NFKB1: variants seen among roughly 807,000 people sequenced by gnomAD.
The protein encoded by NFKB1 is nuclear factor NF-kappa-B p105 subunit.
NFKB1 carries 9 observed loss-of-function variants against 105.1 expected under a neutral mutation model. The ratio of observed to expected loss-of-function variants is 0.09; its 90% CI spans 0.05 to 0.15. The LOEUF (loss-of-function observed/expected upper bound fraction) is 0.15. Among genes scored for constraint, NFKB1 ranks in the 10% least tolerant of loss-of-function variants. The pLI is 1.00. For synonymous variants in NFKB1, 440 were observed against 442.2 expected (o/e 1.00, Z 0.06); for missense variants, 830 against 1,203.7 (o/e 0.69, Z 4.59).
At chr4:102,615,156 C>G (rs1400484054) in intron 23 of NFKB1, among the ~76,000 whole-genome samples, 1 of 152,116 alleles carries the variant, frequency 6.6e-6, no homozygotes, top group Non-Finnish European at 1.5e-5. Context: ...TGGGTTATGC[C>G]CTTCAGTTCA....
At chr4:102,549,569 G>A (rs1722415120) in intron 5 of NFKB1, among the ~76,000 whole-genome samples, 1 of 151,544 alleles carries the variant, frequency 6.6e-6, no homozygotes, top group African/African-American at 2.4e-5. Flanking sequence ...ATATATATGG[G>A]GGGAGGGGTG....
intron 7 of NFKB1, chr4:102,578,035 C>A (rs1725005708): frequency 1.0e-6 from 1 of 966,490 alleles, no homozygotes; most frequent in African/African-American, 1.8e-5. Flanking sequence ...CAATCTATTT[C>A]CCGTTTTGCC....
chr4:102,583,065 C>T, intron 10 of NFKB1, 108 bp downstream of exon 10: 1 of 680,636 alleles, frequency 1.5e-6, no homozygotes, highest in South Asian at 2.3e-5. Context: ...CTGTATCCCC[C>T]AACTGTTGGG....
intron 1 of NFKB1, among the ~76,000 whole-genome samples, chr4:102,519,903 A>G (rs548230399): frequency 1.1e-4 from 16 of 152,354 alleles, no homozygotes; most frequent in South Asian, 2.1e-4. Context: ...TTCTTTACCC[A>G]TGAGGTAGTC....
intron 6 of NFKB1, among the ~76,000 whole-genome samples, chr4:102,575,823 C>T (rs1578783597): frequency 6.6e-6 from 1 of 152,102 alleles, no homozygotes; most frequent in South Asian, 2.1e-4. Context: ...TAAATTGTAT[C>T]GTATAATTTA....
chr4:102,595,082 G>C (rs927297359), intron 13 of NFKB1, 101 bp downstream of exon 13: 26 of 675,714 alleles, frequency 3.8e-5, no homozygotes, highest in Non-Finnish European at 6.2e-5. Flanking sequence ...TTATCATCTT[G>C]ACAAATAATT....
chr4:102,569,121 C>T (rs889521366), intron 6 of NFKB1, among the ~76,000 whole-genome samples: 2 of 152,052 alleles, frequency 1.3e-5, no homozygotes, highest in Non-Finnish European at 2.9e-5. Flanking sequence ...CTATTTCTTT[C>T]ATAATTCATT....
intron 15 of NFKB1, among the ~76,000 whole-genome samples, chr4:102,599,066 T>A (rs2149210855): frequency 6.6e-6 from 1 of 152,226 alleles, no homozygotes; most frequent in South Asian, 2.1e-4. Context: ...TCATAGAAAA[T>A]ATAATAAAGA....
intron 1 of NFKB1, among the ~76,000 whole-genome samples, chr4:102,520,991 A>G (rs918217701): frequency 2.0e-5 from 3 of 152,198 alleles, no homozygotes; most frequent in African/African-American, 4.8e-5. Context: ...GAAACATATA[A>G]CTTAGTAAAA....
At chr4:102,616,312 G>A in intron 23 of NFKB1, 122 bp from the exon 24 acceptor site, 1 of 988,326 alleles carries the variant, frequency 1.0e-6, no homozygotes, top group Non-Finnish European at 1.5e-6. Context: ...ATGACAGTGA[G>A]GGTGGCATAG....
chr4:102,519,937 T>C (rs1740457316), intron 1 of NFKB1, among the ~76,000 whole-genome samples: 1 of 152,204 alleles, frequency 6.6e-6, no homozygotes, highest in African/African-American at 2.4e-5. Flanking sequence ...TCTTTCTCCA[T>C]GTGAACCAAA....
chr4:102,596,637 G>C (rs1275205776), intron 14 of NFKB1, among the ~76,000 whole-genome samples: 1 of 152,140 alleles, frequency 6.6e-6, no homozygotes, highest in African/African-American at 2.4e-5. Context: ...GATAAATAGA[G>C]AAGTATTTCC....
chr4:102,525,534 C>T lies in NFKB1; in HGVS notation c.16C>T (p.Pro6Ser). 3 of 1,613,146 alleles carry T rather than the reference C, an allele frequency of 1.9e-6. No individual in the cohort carries two copies. The highest frequency in any genetic ancestry group is 2.5e-6 in the Non-Finnish European group (3 of 1,179,500). The change falls in exon 2 of 24, where the codon CCA (proline) becomes TCA (serine). Residue 6 changes from proline to serine, a missense_variant. Physicochemically the swap from Pro to Ser is moderately conservative, Grantham distance 74. Coordinates refer to ENST00000226574, the MANE Select transcript of NFKB1 (RefSeq NM_003998.4). MAEDD[P>S]YLGRPEQMFH... ...CAGCTTCAGAATGGCAGAAGATGAT[C>T]CATATTTGGGAAGGCCTGAACAAGT... is the stretch of plus-strand genomic sequence containing the variant.
At chr4:102,565,895 T>C (rs187710507) in intron 5 of NFKB1, among the ~76,000 whole-genome samples, 1 of 152,294 alleles carries the variant, frequency 6.6e-6, no homozygotes, top group Non-Finnish European at 1.5e-5. Context: ...CCAACTAATC[T>C]AGGTTTTGGC....
intron 15 of NFKB1, among the ~76,000 whole-genome samples, chr4:102,598,762 T>C (rs1726865644): frequency 6.6e-6 from 1 of 152,190 alleles, no homozygotes; most frequent in African/African-American, 2.4e-5. Flanking sequence ...ACCTGTTAAA[T>C]TGATAAGTCT....
intron 3 of NFKB1, 25 bp downstream of exon 3, chr4:102,529,939 C>T (rs1384505863): frequency 2.6e-6 from 4 of 1,532,380 alleles, no homozygotes; most frequent in African/African-American, 2.7e-5. Context: ...CCCTGTTACC[C>T]TGTTGTTCTG....
intron 1 of NFKB1, chr4:102,502,224 G>A (rs1054286876): frequency 2.6e-5 from 4 of 152,364 alleles, no homozygotes; most frequent in African/African-American, 4.8e-5. Context: ...TCCATGAAAT[G>A]AAAGCAGAAG....
chr4:102,572,498 G>A (rs1004445029), intron 6 of NFKB1, among the ~76,000 whole-genome samples: 3 of 152,020 alleles, frequency 2.0e-5, no homozygotes, highest in Non-Finnish European at 2.9e-5. Flanking sequence ...AAGTTTACAA[G>A]GGCAAAAATA....
At chr4:102,603,514 A>C (rs532867579) in intron 16 of NFKB1, among the ~76,000 whole-genome samples, 273 of 152,278 alleles carry the variant, frequency 1.8e-3, no homozygotes, top group African/African-American at 6.4e-3. Flanking sequence ...GGGGACTCTC[A>C]GAAGACTATA....
Sources: allele counts gnomAD v4.1 joint callset (sites outside exome capture counted in the v4.1 genomes callset), GRCh38; gene constraint gnomAD v4.1.1; transcripts MANE v1.5; gene names NCBI Gene and HGNC (gene_info 2026-07-23, HGNC 2026-07-21).